Variants in FLACC1 observed in about 807,000 individuals in gnomAD.
FLACC1 encodes the protein flagellum-associated coiled-coil domain-containing protein 1.
Under a neutral mutation model 62.8 loss-of-function variants are expected in FLACC1, and 66 were observed. The observed-to-expected ratio is 1.05, with a 90% CI of 0.86 to 1.29. The LOEUF (loss-of-function observed/expected upper bound fraction) is 1.29, where lower values mean the gene tolerates loss of function less well. Among genes scored for constraint, FLACC1 ranks in the 50% most tolerant of loss-of-function variants. The probability of loss-of-function intolerance (pLI) is 0.00; values close to 1 mark genes in which losing one functional copy is unlikely to be tolerated. For missense variants in FLACC1, 452 were observed against 489.1 expected, an observed-to-expected ratio of 0.92 and a Z score of 0.71; for synonymous variants, 156 against 161.0, an observed-to-expected ratio of 0.97 and a Z score of 0.24.
chr2:201,295,071 A>T (rs1374686297), intron 12 of FLACC1, among the ~76,000 whole-genome samples: 1 of 152,230 alleles, frequency 6.6e-6, no homozygotes, highest in Non-Finnish European at 1.5e-5. Flanking sequence ...CAACATCGTG[A>T]AAATGGCCAT....
At chr2:201,342,455 A>T (rs953648985) in intron 6 of FLACC1, 24 bp from the exon 7 acceptor site, 7 of 1,613,096 alleles carry the variant, frequency 4.3e-6, no homozygotes, top group Non-Finnish European at 5.9e-6. Flanking sequence ...CAGCATCTAC[A>T]ACACAGGACT....
At chr2:201,355,317 C>A (rs111278434) in intron 1 of FLACC1, among the ~76,000 whole-genome samples, 6,966 of 152,008 alleles carry the variant, frequency 0.046, 229 homozygotes, top group Non-Finnish European at 0.072. Flanking sequence ...AAAACAAAAA[C>A]AAAGAGAAAA....
Position 201,288,539 on chromosome 2 carries a change from C to A in FLACC1, c.*116G>T, listed in dbSNP as rs1270435080. On this transcript the variant is annotated 3_prime_UTR_variant, in exon 15 of 15. Transcript: ENST00000392257. ...TTTTCAGACATTCAGAGAGTCAGAGCAACCCAAGAACTAAACTCATTATAT... is the reference window on the plus strand; with the variant it reads ...TTTTCAGACATTCAGAGAGTCAGAGAAACCCAAGAACTAAACTCATTATAT... 2.3e-6 allele frequency: 3 copies of A among 1,298,886 alleles called. No homozygotes were observed. The highest frequency in any genetic ancestry group is 1.9e-4 in the Middle Eastern group (1 of 5,206). The allele number at this position is 1,298,886 out of a possible 1,614,324, so 80.5% of individuals were successfully genotyped here.
At position 201,290,096 on chromosome 2, in the gene FLACC1, GA is replaced by G. The variant is rs1476454383; in HGVS notation, c.943-312del. ...TGGAAAAGGCAAAACTATAGAGAGAGAAAAAAGATTAGTGGTTTCTAGGGAT... is the reference window on the plus strand; with the variant it reads ...TGGAAAAGGCAAAACTATAGAGAGAGAAAAAGATTAGTGGTTTCTAGGGAT... On this transcript the variant is annotated intron_variant, in intron 12 of 14. Coordinates refer to ENST00000392257, the MANE Select transcript of FLACC1 (RefSeq NM_001127391.3). Among the ~76,000 whole-genome samples the G allele has an allele frequency of 5.3e-5, 8 of 152,292 alleles. No homozygotes were observed. The East Asian group carries it at 1.5e-3, about 29-fold the overall frequency.
At chr2:201,291,445 A>G (rs1949732629) in intron 12 of FLACC1, among the ~76,000 whole-genome samples, 1 of 152,242 alleles carries the variant, frequency 6.6e-6, no homozygotes, top group Non-Finnish European at 1.5e-5. Flanking sequence ...GCAAACTCCA[A>G]CAGACCTGCA....
At chr2:201,325,355 A>G (rs1950483146) in intron 9 of FLACC1, among the ~76,000 whole-genome samples, 1 of 152,120 alleles carries the variant, frequency 6.6e-6, no homozygotes, top group Non-Finnish European at 1.5e-5. Context: ...ATATAAAAAG[A>G]TCAATGAAAC....
At position 201,347,311 on chromosome 2, in the gene FLACC1, ACCT is replaced by A. The variant is rs980079370; in HGVS notation, c.235-639_235-637del. ...CAGCCCCTTGATCCCTGCTGTTGTC[ACCT>A]CCTTCATGTCTCTGTGAGTCACCCT... On this transcript the variant is annotated intron_variant, in intron 4 of 14. Transcript: ENST00000392257. Among the ~76,000 whole-genome samples the A allele has an allele frequency of 4.2e-4, 64 of 150,796 alleles. 1 individual carries two copies. The highest frequency in any genetic ancestry group is 1.4e-3 in the African/African-American group (57 of 41,018).
chr2:201,353,175 G>A (rs986776353), intron 1 of FLACC1, among the ~76,000 whole-genome samples: 1 of 152,166 alleles, frequency 6.6e-6, no homozygotes, highest in African/African-American at 2.4e-5. Flanking sequence ...AAAATAAAAT[G>A]TGCAATTACT....
At chr2:201,357,767 CA>C (rs1382368373), upstream of FLACC1, among the ~76,000 whole-genome samples, 5 of 151,436 alleles carry the variant, frequency 3.3e-5, no homozygotes, top group African/African-American at 1.2e-4. Context: ...AAAAATCCCC[CA>C]AGGCAGGAAT....
At chr2:201,352,823 G>C (rs1343278922) in intron 1 of FLACC1, among the ~76,000 whole-genome samples, 2 of 152,180 alleles carry the variant, frequency 1.3e-5, no homozygotes, top group Non-Finnish European at 2.9e-5. Context: ...GAAAGATCTT[G>C]AGATAGAAAG....
intron 9 of FLACC1, among the ~76,000 whole-genome samples, chr2:201,312,718 G>A (rs1576434403): frequency 6.7e-6 from 1 of 149,936 alleles, no homozygotes; most frequent in East Asian, 1.9e-4. Context: ...AGCAGGACTA[G>A]ACTGCAGCTC....
At chr2:201,298,070 G>A (rs79469548) in intron 12 of FLACC1, among the ~76,000 whole-genome samples, 3,878 of 152,266 alleles carry the variant, frequency 0.025, 74 homozygotes, top group Non-Finnish European at 0.041. Flanking sequence ...GACAAGGTTA[G>A]AGGAAGGAAA....
At chr2:201,334,783 A>T (rs1398199762) in intron 7 of FLACC1, among the ~76,000 whole-genome samples, 2 of 38,136 alleles carry the variant, frequency 5.2e-5, no homozygotes, top group Non-Finnish European at 1.5e-4. Context: ...AACTCTGCCT[A>T]AAAAAAAAAA....
rs528761383 is a variant in FLACC1 at position 201,334,853 on chromosome 2, T to C, written c.525-4020A>G. Among the ~76,000 whole-genome samples, 26 of 151,734 alleles carry C rather than the reference T, an allele frequency of 1.7e-4. No individual in the cohort carries two copies. The South Asian group carries it at 5.0e-3, about 29-fold the overall frequency. The stretch of plus-strand genomic sequence containing the variant: ...CCACCTCTTCACTTTTTTAGAAGAA[T>C]CTGAGAAGAATTGATGTTAGTTCTT... On this transcript the variant is annotated intron_variant, in intron 7 of 14. Coordinates refer to ENST00000392257, the MANE Select transcript of FLACC1 (RefSeq NM_001127391.3).
chr2:201,332,317 C>T (rs1305516145), intron 7 of FLACC1, among the ~76,000 whole-genome samples: 3 of 151,832 alleles, frequency 2.0e-5, no homozygotes, highest in African/African-American at 4.8e-5. Context: ...GGCGCAATCT[C>T]GGCTCACTGC....
At chr2:201,304,955 T>C (rs975406619) in intron 11 of FLACC1, among the ~76,000 whole-genome samples, 1 of 152,218 alleles carries the variant, frequency 6.6e-6, no homozygotes, top group African/African-American at 2.4e-5. Flanking sequence ...AAGACTTAAA[T>C]GTCAGACCTA....
rs1444605998 is a variant in FLACC1, at chr2:201,330,534, G to A, written c.623-12C>T. On this transcript the variant is annotated splice_polypyrimidine_tract_variant and intron_variant, in intron 8 of 14. Coordinates refer to ENST00000392257, the MANE Select transcript of FLACC1 (RefSeq NM_001127391.3). ...TTTTCCCATCTCCTCTGGATAAAAG[G>A]AAAACAACAGGATCATCATTAGTCT... 3.1e-6 allele frequency: 5 copies of A among 1,612,482 alleles called. No individual in the cohort carries two copies. The highest frequency in any genetic ancestry group is 4.2e-6 in the Non-Finnish European group (5 of 1,179,176).
At chr2:201,330,115 A>C (rs868686913) in intron 9 of FLACC1, among the ~76,000 whole-genome samples, 1 of 152,254 alleles carries the variant, frequency 6.6e-6, no homozygotes, top group African/African-American at 2.4e-5. Flanking sequence ...TATAGATGTT[A>C]TACAATATAC....
At chr2:201,336,757 T>C (rs541430766) in intron 7 of FLACC1, among the ~76,000 whole-genome samples, 1 of 152,348 alleles carries the variant, frequency 6.6e-6, no homozygotes, top group East Asian at 1.9e-4. Flanking sequence ...TAATTTACAT[T>C]TCCACCAACA....
Sources: allele counts gnomAD v4.1 joint callset (sites outside exome capture counted in the v4.1 genomes callset), GRCh38; gene constraint gnomAD v4.1.1; transcripts MANE v1.5; gene names NCBI Gene and HGNC (gene_info 2026-07-23, HGNC 2026-07-21).